ARMH3: variants seen among roughly 807,000 people sequenced by gnomAD.
ARMH3 encodes the protein armadillo like helical domain containing 3.
Under a neutral mutation model 99.1 loss-of-function variants are expected in ARMH3, and 60 were observed. The ratio of observed to expected loss-of-function variants is 0.61; its 90% CI spans 0.49 to 0.75. The LOEUF is 0.75. Among genes scored for constraint, ARMH3 ranks in the 30% least tolerant of loss-of-function variants. ARMH3 has a pLI of 0.00. For missense variants in ARMH3, 679 were observed against 843.1 expected (o/e 0.81, Z 2.41); for synonymous variants, 285 against 292.8 (o/e 0.97, Z 0.27).
intron 22 of ARMH3, among the ~76,000 whole-genome samples, chr10:101,941,369 A>AATGT (rs1415214560): frequency 6.6e-6 from 1 of 152,364 alleles, no homozygotes; most frequent in East Asian, 1.9e-4. Context: ...TGAATGAATG[A>AATGT]ATGTACCTGG....
chr10:102,020,712 G>A (rs923390759), intron 8 of ARMH3, among the ~76,000 whole-genome samples: 5 of 150,308 alleles, frequency 3.3e-5, no homozygotes, highest in African/African-American at 1.2e-4. Context: ...AATTAGCCGA[G>A]TATTGTGGCA....
chr10:102,036,722 G>C (rs534973628), intron 2 of ARMH3, among the ~76,000 whole-genome samples: 2 of 151,980 alleles, frequency 1.3e-5, no homozygotes, highest in Non-Finnish European at 2.9e-5. Flanking sequence ...AAGTACCCAG[G>C]GACACAAACA....
chr10:101,938,766 A>T (rs1844108050), intron 23 of ARMH3, among the ~76,000 whole-genome samples: 1 of 152,214 alleles, frequency 6.6e-6, no homozygotes, highest in African/African-American at 2.4e-5. Flanking sequence ...CTAGGTGCAG[A>T]TATGCATTTA....
At chr10:101,992,233 G>A (rs1378604387) in intron 17 of ARMH3, among the ~76,000 whole-genome samples, 195 bp from the exon 18 acceptor site, 2 of 152,142 alleles carry the variant, frequency 1.3e-5, no homozygotes, top group African/African-American at 4.8e-5. Context: ...GAATGCTTCA[G>A]TTATCAATGC....
chr10:101,896,558 G>A lies in ARMH3; in HGVS notation c.1782-7068C>T, dbSNP rs74604547. 9.3e-3 allele frequency among the ~76,000 whole-genome samples: 1,419 copies of A among 152,318 alleles called. 17 individuals are homozygous for A. The highest frequency in any genetic ancestry group is 0.032 in the African/African-American group (1,347 of 41,562). On this transcript the variant is annotated intron_variant, in intron 23 of 25. Coordinates refer to ENST00000370033, the MANE Select transcript of ARMH3 (RefSeq NM_024541.3). ...AGAAAACATGAACTGTACACTTTAA[G>A]TGGATGAACTGTATCATATATAAAT...
intron 24 of ARMH3, among the ~76,000 whole-genome samples, chr10:101,855,757 GTATTATATATAAATA>G (rs910806852): frequency 6.8e-6 from 1 of 146,128 alleles, no homozygotes; most frequent in Non-Finnish European, 1.5e-5. Flanking sequence ...ATATATTTAT[GTATTATATATAAATA>G]TATTATATAT....
chr10:101,874,128 G>A (rs374003822), intron 24 of ARMH3, among the ~76,000 whole-genome samples: 8 of 152,252 alleles, frequency 5.3e-5, no homozygotes, highest in South Asian at 4.2e-4. Context: ...CATATCAGCC[G>A]TTGTCTATGG....
At chr10:101,910,500 C>T (rs187801538) in intron 23 of ARMH3, among the ~76,000 whole-genome samples, 9 of 152,102 alleles carry the variant, frequency 5.9e-5, no homozygotes, top group African/African-American at 4.8e-5. Flanking sequence ...GAGGCCGAGA[C>T]GGGCAGATCA....
chr10:102,022,730 A>G (rs2066914131), intron 8 of ARMH3, among the ~76,000 whole-genome samples: 1 of 148,878 alleles, frequency 6.7e-6, no homozygotes, highest in Non-Finnish European at 1.5e-5. Context: ...ACAGGCGCAC[A>G]CTGCCACACC....
At chr10:101,959,473 G>T (rs1219924372) in intron 20 of ARMH3, among the ~76,000 whole-genome samples, 1 of 152,198 alleles carries the variant, frequency 6.6e-6, no homozygotes, top group Admixed American at 6.5e-5. Context: ...AGACAAAGCA[G>T]CTTTTGCACA....
At position 101,922,720 on chromosome 10, in the gene ARMH3, G is replaced by T. The variant is rs145985573; in HGVS notation, c.1781+17143C>A. Among the ~76,000 whole-genome samples the T allele has an allele frequency of 4.6e-3, 702 of 152,230 alleles. 6 individuals carry two copies. Among genetic ancestry groups the T allele is most frequent in the African/African-American group, 0.015 (624 of 41,528 alleles). ...AACAGATTTTAATCCATCCCTATCT[G>T]AATCCCATCTAGTAAATTATCTCAC... On this transcript the variant is annotated intron_variant, in intron 23 of 25. Coordinates refer to ENST00000370033, the MANE Select transcript of ARMH3 (RefSeq NM_024541.3).
At chr10:101,957,090 G>A (rs1845074099) in intron 21 of ARMH3, among the ~76,000 whole-genome samples, 2 of 152,188 alleles carry the variant, frequency 1.3e-5, no homozygotes, top group Admixed American at 6.5e-5. Flanking sequence ...ATGTCACATT[G>A]ATAGCTTGAA....
intron 24 of ARMH3, among the ~76,000 whole-genome samples, chr10:101,862,418 A>G (rs1188932468): frequency 6.6e-6 from 1 of 152,162 alleles, no homozygotes; most frequent in African/African-American, 2.4e-5. Context: ...CTCTAGTAAA[A>G]ATACAAAAAT....
intron 20 of ARMH3, among the ~76,000 whole-genome samples, chr10:101,965,612 C>T (rs1845497740): frequency 6.6e-6 from 1 of 152,146 alleles, no homozygotes; most frequent in South Asian, 2.1e-4. Flanking sequence ...AATGAGGTTC[C>T]AAGTACTCTT....
At chr10:101,958,368 G>A (rs894344553) in intron 20 of ARMH3, among the ~76,000 whole-genome samples, 6 of 152,180 alleles carry the variant, frequency 3.9e-5, no homozygotes, top group Non-Finnish European at 7.3e-5. Flanking sequence ...TCTTAGCGAG[G>A]GGAGAGATTC....
intron 22 of ARMH3, among the ~76,000 whole-genome samples, chr10:101,951,945 GGAA>G (rs973932533): frequency 1.3e-5 from 2 of 151,200 alleles, no homozygotes; most frequent in African/African-American, 2.4e-5. Flanking sequence ...ATGAGGAGGA[GGAA>G]GAAGAGGAAT....
chr10:101,985,076 T>TACACAC (rs796894243), intron 19 of ARMH3, among the ~76,000 whole-genome samples: 13,171 of 128,688 alleles, frequency 0.1, 658 homozygotes, highest in Middle Eastern at 0.19. Context: ...TAAAAATATA[T>TACACAC]ATACACACAC....
At chr10:102,007,318 T>C (rs1303712111) in intron 13 of ARMH3, among the ~76,000 whole-genome samples, 1 of 150,452 alleles carries the variant, frequency 6.6e-6, no homozygotes, top group East Asian at 2.0e-4. Flanking sequence ...TAAGTTTTTC[T>C]GTGGCACCAC....
intron 8 of ARMH3, among the ~76,000 whole-genome samples, chr10:102,015,474 T>G (rs2066728226): frequency 1.3e-5 from 2 of 150,708 alleles, no homozygotes; most frequent in South Asian, 4.2e-4. Context: ...CACCACAACC[T>G]CTGCCTCCCA....
Sources: allele counts gnomAD v4.1 joint callset (sites outside exome capture counted in the v4.1 genomes callset), GRCh38; gene constraint gnomAD v4.1.1; transcripts MANE v1.5; gene names NCBI Gene and HGNC (gene_info 2026-07-23, HGNC 2026-07-21).